Variants in ASIC2 observed in about 807,000 individuals in gnomAD.
ASIC2 encodes the protein acid-sensing ion channel 2.
Under a neutral mutation model 57.3 loss-of-function variants are expected in ASIC2, and 25 were observed. That is an observed-to-expected ratio of 0.44 (90% CI 0.32 to 0.61). The LOEUF (loss-of-function observed/expected upper bound fraction) is 0.61. Ranked by LOEUF, ASIC2 falls within the 20% of genes least tolerant of loss-of-function variation. The pLI is 0.06. For missense variants in ASIC2, 641 were observed against 738.1 expected, an observed-to-expected ratio of 0.87 and a Z score of 1.52; for synonymous variants, 319 against 307.5, an observed-to-expected ratio of 1.04 and a Z score of -0.39.
chr17:33,325,198 C>T (rs1249037270), intron 1 of ASIC2, among the ~76,000 whole-genome samples: 3 of 152,114 alleles, frequency 2.0e-5, no homozygotes, highest in Non-Finnish European at 2.9e-5. Context: ...GGAAAGCAGA[C>T]AATAAGCAGA....
chr17:34,151,017 C>T (rs929760519), intron 1 of ASIC2, among the ~76,000 whole-genome samples: 14 of 149,752 alleles, frequency 9.3e-5, no homozygotes, highest in Admixed American at 8.0e-4. Context: ...GCAGGAGAAT[C>T]GCTTGAACCT....
chr17:33,948,298 A>C (rs1904447932), intron 1 of ASIC2, among the ~76,000 whole-genome samples: 2 of 152,354 alleles, frequency 1.3e-5, no homozygotes, highest in South Asian at 4.1e-4. Flanking sequence ...CTCACTCGGC[A>C]CCACAGAGCT....
chr17:33,323,484 G>C (rs1277562567), intron 1 of ASIC2, among the ~76,000 whole-genome samples: 1 of 152,194 alleles, frequency 6.6e-6, no homozygotes, highest in Non-Finnish European at 1.5e-5. Context: ...AGGCCAAGGT[G>C]GATGGATCAC....
Position 33,174,023 on chromosome 17 carries a change from A to G in ASIC2, c.709-61956T>C, listed in dbSNP as rs373697805. Among the ~76,000 whole-genome samples the G allele has an allele frequency of 8.5e-5, 13 of 152,122 alleles. No individual in the cohort carries two copies. The East Asian group carries it at 2.3e-3, about 27-fold the overall frequency. On this transcript the variant is annotated intron_variant, in intron 1 of 9. Transcript: ENST00000225823. The stretch of plus-strand genomic sequence containing the variant: ...AGAGGTCTGCTCTGAAGCCAAGTAC[A>G]TTTGCTTCTGGTAGTCCAGAAAGCC...
At chr17:33,058,470 C>CAAAAAAAAA (rs10612611) in intron 3 of ASIC2, among the ~76,000 whole-genome samples, 17 of 109,676 alleles carry the variant, frequency 1.6e-4, no homozygotes, top group African/African-American at 4.5e-4. Context: ...TCTGAGAAGT[C>CAAAAAAAAA]AAAAAAAAAA....
At chr17:33,206,978 C>T (rs1401373563) in intron 1 of ASIC2, among the ~76,000 whole-genome samples, 1 of 152,196 alleles carries the variant, frequency 6.6e-6, no homozygotes, top group Non-Finnish European at 1.5e-5. Context: ...CATCACTCCC[C>T]TGCCCTTTTT....
intron 1 of ASIC2, among the ~76,000 whole-genome samples, chr17:33,324,905 G>C (rs1207044772): frequency 2.6e-5 from 4 of 152,204 alleles, no homozygotes; most frequent in African/African-American, 9.7e-5. Context: ...ACCCTGAAAA[G>C]AGATGTGACA....
intron 1 of ASIC2, among the ~76,000 whole-genome samples, chr17:33,848,747 T>G (rs1913682641): frequency 6.6e-6 from 1 of 152,122 alleles, no homozygotes; most frequent in Admixed American, 6.5e-5. Context: ...GCAGGCAGGC[T>G]TCACTCCAGG....
chr17:33,432,393 G>A (rs934301616), intron 1 of ASIC2, among the ~76,000 whole-genome samples: 1 of 152,158 alleles, frequency 6.6e-6, no homozygotes, highest in Non-Finnish European at 1.5e-5. Flanking sequence ...GCATATACAT[G>A]TAGTCCCAGC....
At chr17:33,101,038 A>C (rs1036397455) in intron 2 of ASIC2, among the ~76,000 whole-genome samples, 4 of 152,192 alleles carry the variant, frequency 2.6e-5, no homozygotes, top group Admixed American at 2.0e-4. Flanking sequence ...CCCTGTGTCC[A>C]GCACAGAGGC....
chr17:34,153,488 C>CA (rs199621663), intron 1 of ASIC2, among the ~76,000 whole-genome samples: 1 of 151,724 alleles, frequency 6.6e-6, no homozygotes, highest in East Asian at 1.9e-4. Context: ...TATCCCAGGC[C>CA]AAAAAAAGAC....
chr17:33,872,202 G>A (rs995898263), intron 1 of ASIC2, among the ~76,000 whole-genome samples: 1 of 152,132 alleles, frequency 6.6e-6, no homozygotes, highest in Non-Finnish European at 1.5e-5. Flanking sequence ...AGCCCAGCCT[G>A]AGAATCTTGG....
At chr17:33,938,029 C>T (rs139072244) in intron 1 of ASIC2, among the ~76,000 whole-genome samples, 12 of 152,296 alleles carry the variant, frequency 7.9e-5, no homozygotes, top group African/African-American at 2.9e-4. Flanking sequence ...TCAGTGAGAG[C>T]CTTTAAGTTT....
intron 1 of ASIC2, among the ~76,000 whole-genome samples, chr17:33,563,418 C>T (rs1281991190): frequency 6.6e-6 from 1 of 152,200 alleles, no homozygotes; most frequent in Non-Finnish European, 1.5e-5. Context: ...TCATTCCCAA[C>T]CCTGGCTCCT....
intron 1 of ASIC2, among the ~76,000 whole-genome samples, chr17:34,040,142 A>ACG (rs1597988722): frequency 3.2e-5 from 2 of 62,714 alleles, no homozygotes; most frequent in East Asian, 5.3e-4. Context: ...CCGGGCGGCC[A>ACG]CGGGACCGGC....
intron 1 of ASIC2, among the ~76,000 whole-genome samples, chr17:33,117,181 CT>C (rs1320957442): frequency 1.7e-4 from 25 of 147,966 alleles, no homozygotes; most frequent in Non-Finnish European, 3.3e-4. Context: ...TCCTCTTCTT[CT>C]TTTTTTTTGA....
chr17:33,160,214 A>AAAAAGAAAAG (rs750297767), intron 1 of ASIC2, among the ~76,000 whole-genome samples: 19,727 of 93,146 alleles, frequency 0.21, 1,673 homozygotes, highest in Non-Finnish European at 0.28. Flanking sequence ...GTTAAAAAAA[A>AAAAAGAAAAG]AAAAGAAAAG....
intron 1 of ASIC2, among the ~76,000 whole-genome samples, chr17:34,050,288 CT>C (rs1908505687): frequency 6.6e-6 from 1 of 152,120 alleles, no homozygotes; most frequent in Non-Finnish European, 1.5e-5. Context: ...GAAAACGGAG[CT>C]ATTTTTTACA....
chr17:33,672,276 G>A (rs1907661682), intron 1 of ASIC2, among the ~76,000 whole-genome samples: 1 of 152,040 alleles, frequency 6.6e-6, no homozygotes, highest in Non-Finnish European at 1.5e-5. Flanking sequence ...GGAGACATGT[G>A]GCTGCTCTAC....
Sources: allele counts gnomAD v4.1 joint callset (sites outside exome capture counted in the v4.1 genomes callset), GRCh38; gene constraint gnomAD v4.1.1; transcripts MANE v1.5; gene names NCBI Gene and HGNC (gene_info 2026-07-23, HGNC 2026-07-21).